SLIT3: variants seen among roughly 807,000 people sequenced by gnomAD.
SLIT3 encodes the protein slit homolog 3 protein.
Under a neutral mutation model 184.0 loss-of-function variants are expected in SLIT3, and 68 were observed. The ratio of observed to expected loss-of-function variants is 0.37; its 90% CI spans 0.30 to 0.45. The LOEUF (loss-of-function observed/expected upper bound fraction) is 0.45. SLIT3 is among the 20% of genes least tolerant of loss of function. The pLI is 1.00. For synonymous variants in SLIT3, 831 were observed against 828.6 expected, an observed-to-expected ratio of 1.00 and a Z score of -0.05; for missense variants, 1,707 against 2,026.0, an observed-to-expected ratio of 0.84 and a Z score of 3.02.
At chr5:168,982,549 C>A (rs1236968250) in intron 4 of SLIT3, among the ~76,000 whole-genome samples, 1 of 152,140 alleles carries the variant, frequency 6.6e-6, no homozygotes, top group African/African-American at 2.4e-5. Context: ...AAAACAATAT[C>A]TTTATTTCAT....
intron 4 of SLIT3, among the ~76,000 whole-genome samples, chr5:169,181,603 T>C (rs915898211): frequency 3.3e-5 from 5 of 152,008 alleles, no homozygotes; most frequent in African/African-American, 1.2e-4. Context: ...TAGCTGGGTG[T>C]GGTGGCGCGT....
intron 15 of SLIT3, among the ~76,000 whole-genome samples, chr5:168,761,400 G>A (rs1044564823): frequency 6.6e-6 from 1 of 151,990 alleles, no homozygotes; most frequent in Non-Finnish European, 1.5e-5. Flanking sequence ...AGGGAAAGGG[G>A]CCTGCTGTTT....
intron 5 of SLIT3, among the ~76,000 whole-genome samples, chr5:168,856,167 T>C (rs1382553549): frequency 1.3e-5 from 2 of 152,020 alleles, no homozygotes; most frequent in African/African-American, 4.8e-5. Flanking sequence ...ACATTGCGAG[T>C]GTACTAAATG....
chr5:168,967,465 A>G, intron 4 of SLIT3, among the ~76,000 whole-genome samples: 1 of 2,294 alleles, frequency 4.4e-4, no homozygotes, highest in African/African-American at 9.2e-4. Flanking sequence ...TTTGAGACGG[A>G]GTCTCGCTCT....
intron 4 of SLIT3, among the ~76,000 whole-genome samples, chr5:169,039,466 GCCA>G (rs1231539053): frequency 6.6e-6 from 1 of 151,854 alleles, no homozygotes; most frequent in Non-Finnish European, 1.5e-5. Context: ...ATAGGCGCCT[GCCA>G]CCACGTCTGG....
In SLIT3 at chr5:168,666,254, T is replaced by TAAAAGATGAAAATAGTCAC. The variant is rs1355570990; in HGVS notation, c.*181_*199dup. The TAAAAGATGAAAATAGTCAC allele has an allele frequency of 5.2e-4, 249 of 482,862 alleles. 2 individuals carry two copies. The highest frequency in any genetic ancestry group is 4.5e-3 in the African/African-American group (235 of 51,688). 29.9% of individuals were successfully genotyped at this position (482,862 alleles called of 1,614,324 possible). A position where few individuals can be genotyped will look rare whatever the true frequency, so the allele number is the denominator to read the frequency against. ...CAGATGGTGTAATATATTTATATAA[T>TAAAAGATGAAAATAGTCAC]AAAAGATGAAAATAGTCACTTTCCA... On this transcript the variant is annotated 3_prime_UTR_variant, in exon 36 of 36. Transcript: ENST00000519560.
intron 5 of SLIT3, among the ~76,000 whole-genome samples, chr5:168,857,753 G>A (rs1431601648): frequency 1.3e-5 from 2 of 152,216 alleles, no homozygotes; most frequent in Non-Finnish European, 2.9e-5. Flanking sequence ...CAGGGGGTCG[G>A]AGGGCTGAAC....
At chr5:168,793,174 A>T (rs1338037454) in intron 10 of SLIT3, among the ~76,000 whole-genome samples, 3 of 152,198 alleles carry the variant, frequency 2.0e-5, no homozygotes, top group Non-Finnish European at 2.9e-5. Context: ...TACGAAGGTA[A>T]CCACTAGGAA....
At chr5:168,934,693 C>G (rs1762097433) in intron 4 of SLIT3, among the ~76,000 whole-genome samples, 1 of 152,120 alleles carries the variant, frequency 6.6e-6, no homozygotes, top group African/African-American at 2.4e-5. Flanking sequence ...AAGGGGAGCA[C>G]TTCTGCAAAG....
intron 4 of SLIT3, among the ~76,000 whole-genome samples, chr5:169,027,055 G>A (rs1561616515): frequency 6.6e-6 from 1 of 152,200 alleles, no homozygotes; most frequent in Non-Finnish European, 1.5e-5. Context: ...GTTTCCATGG[G>A]TAGACAGACT....
At chr5:168,760,688 G>T (rs1755114740) in intron 16 of SLIT3, among the ~76,000 whole-genome samples, 174 bp downstream of exon 16, 1 of 152,080 alleles carries the variant, frequency 6.6e-6, no homozygotes, top group African/African-American at 2.4e-5. Context: ...CATCACTTTG[G>T]TCTGTGTCTA....
intron 4 of SLIT3, among the ~76,000 whole-genome samples, chr5:168,963,982 A>G (rs10073172): frequency 1.3e-5 from 2 of 152,328 alleles, no homozygotes. Context: ...ATCAACGATT[A>G]TGATTTATGA....
chr5:168,673,134 A>T (rs1198657219), intron 33 of SLIT3, 43 bp downstream of exon 33: 8 of 1,601,310 alleles, frequency 5.0e-6, no homozygotes, highest in Non-Finnish European at 6.8e-6. Context: ...TGGAGCACAG[A>T]GGGCCAGAGG....
intron 4 of SLIT3, among the ~76,000 whole-genome samples, chr5:169,040,515 T>A (rs1231774878): frequency 6.6e-6 from 1 of 152,184 alleles, no homozygotes; most frequent in African/African-American, 2.4e-5. Flanking sequence ...TAAACCCTCA[T>A]CCCCATCCTG....
At chr5:168,907,979 T>TATATATAGAGAGAGAGAG (rs376418381) in intron 4 of SLIT3, among the ~76,000 whole-genome samples, 33 of 50,076 alleles carry the variant, frequency 6.6e-4, no homozygotes, top group Non-Finnish European at 9.1e-4. Flanking sequence ...TATATATATA[T>TATATATAGAGAGAGAGAG]AGAGAGAGAG....
At chr5:168,732,081 A>T (rs913471642) in intron 20 of SLIT3, among the ~76,000 whole-genome samples, 1 of 152,156 alleles carries the variant, frequency 6.6e-6, no homozygotes, top group African/African-American at 2.4e-5. Flanking sequence ...AGACTTAATA[A>T]ATGAATTCAG....
chr5:169,284,501 T>C (rs529618462), intron 1 of SLIT3, among the ~76,000 whole-genome samples: 3 of 152,286 alleles, frequency 2.0e-5, no homozygotes, highest in South Asian at 2.1e-4. Flanking sequence ...AGAACACAAA[T>C]TGTTAACTGT....
At chr5:169,098,429 A>C (rs1387546917) in intron 4 of SLIT3, among the ~76,000 whole-genome samples, 2 of 152,196 alleles carry the variant, frequency 1.3e-5, no homozygotes, top group Non-Finnish European at 2.9e-5. Flanking sequence ...CCCACAGCCT[A>C]AGGAGAGATG....
chr5:168,688,686 G>T (rs759132816), intron 29 of SLIT3, among the ~76,000 whole-genome samples: 77 of 152,176 alleles, frequency 5.1e-4, no homozygotes, highest in Non-Finnish European at 1.0e-3. Context: ...ATAACCTATT[G>T]CTGCACTGGA....
Sources: allele counts gnomAD v4.1 joint callset (sites outside exome capture counted in the v4.1 genomes callset), GRCh38; gene constraint gnomAD v4.1.1; transcripts MANE v1.5; gene names NCBI Gene and HGNC (gene_info 2026-07-23, HGNC 2026-07-21).